The following CAST variants were observed in gnomAD, a reference collection of about 807,000 sequenced individuals.
CAST encodes the protein MIR583 host.
In CAST, 76 loss-of-function variants were observed where a neutral mutation model predicts 119.6. That is an observed-to-expected ratio of 0.64 (90% CI 0.53 to 0.77). The LOEUF is 0.77. Among genes scored for constraint, CAST ranks in the 30% least tolerant of loss-of-function variants. CAST has a pLI of 0.00. For synonymous variants in CAST, 319 were observed against 331.6 expected (o/e 0.96, Z 0.41); for missense variants, 953 against 946.5 (o/e 1.01, Z -0.09).
the CAST span, among the ~76,000 whole-genome samples, chr5:96,464,541 G>A: frequency 1.3e-5 from 2 of 152,054 alleles, no homozygotes; most frequent in Non-Finnish European, 2.9e-5. Context: ...GGAGCATTTA[G>A]CCAAAATACC....
At chr5:96,369,630 T>C in the CAST span, among the ~76,000 whole-genome samples, 2 of 152,256 alleles carry the variant, frequency 1.3e-5, no homozygotes, top group East Asian at 3.9e-4. Context: ...CCTTTTAATC[T>C]CCTTTCTGAT....
At chr5:96,621,969 C>CTTTTTTTTTTTTT (rs35728460) in intron 1 of CAST, among the ~76,000 whole-genome samples, 1 of 113,702 alleles carries the variant, frequency 8.8e-6, no homozygotes, top group Non-Finnish European at 1.7e-5. Flanking sequence ...CTTTTTTTCT[C>CTTTTTTTTTTTTT]TTTTTTTTTT....
At chr5:96,416,111 T>C in the CAST span, 1 of 1,608,490 alleles carries the variant, frequency 6.2e-7, no homozygotes, top group South Asian at 1.1e-5. Flanking sequence ...CCTGCACATC[T>C]GGTCCCGTGT....
At chr5:96,140,866 C>G in the CAST span, among the ~76,000 whole-genome samples, 1 of 152,128 alleles carries the variant, frequency 6.6e-6, no homozygotes, top group Non-Finnish European at 1.5e-5. Flanking sequence ...GAATATATTT[C>G]TCTATTGTAA....
chr5:96,377,126 A>G, the CAST span, among the ~76,000 whole-genome samples: 140 of 152,078 alleles, frequency 9.2e-4, no homozygotes, highest in Non-Finnish European at 1.7e-3. Flanking sequence ...TTATTACAAA[A>G]GAGCCAAATA....
chr5:96,380,935 T>G, the CAST span, among the ~76,000 whole-genome samples: 2 of 152,172 alleles, frequency 1.3e-5, no homozygotes, highest in East Asian at 3.8e-4. Context: ...CGAAAAAGTT[T>G]ATTGGTATAG....
the CAST span, among the ~76,000 whole-genome samples, chr5:96,251,865 A>G: frequency 6.6e-6 from 1 of 152,152 alleles, no homozygotes; most frequent in Non-Finnish European, 1.5e-5. Flanking sequence ...CAGCACTAAG[A>G]ATGCTGACAA....
chr5:96,085,522 G>A, the CAST span, among the ~76,000 whole-genome samples: 2 of 152,190 alleles, frequency 1.3e-5, no homozygotes, highest in Non-Finnish European at 2.9e-5. Context: ...TCATCCACTG[G>A]CAGCATACAT....
intron 2 of CAST, 182 bp downstream of exon 2, chr5:96,675,783 T>A: frequency 1.8e-6 from 1 of 542,376 alleles, no homozygotes; most frequent in East Asian, 3.0e-5. Context: ...TAAAAAAAAT[T>A]GTTCCTGGGA....
At chr5:96,698,543 T>C (rs1344431182) in intron 3 of CAST, among the ~76,000 whole-genome samples, 1 of 152,224 alleles carries the variant, frequency 6.6e-6, no homozygotes, top group Non-Finnish European at 1.5e-5. Context: ...TTTTTTACTT[T>C]TATAAGGTGT....
chr5:96,298,251 TTC>T, the CAST span, among the ~76,000 whole-genome samples: 1 of 152,248 alleles, frequency 6.6e-6, no homozygotes, highest in Non-Finnish European at 1.5e-5. Context: ...GCTCAGAATA[TTC>T]TCTTTCTCCT....
At chr5:96,351,506 G>T in the CAST span, among the ~76,000 whole-genome samples, 1 of 152,176 alleles carries the variant, frequency 6.6e-6, no homozygotes, top group East Asian at 1.9e-4. Flanking sequence ...GCACATGAGG[G>T]AAATGTATTA....
chr5:96,748,997 C>T (rs1041817352), intron 19 of CAST, among the ~76,000 whole-genome samples: 2 of 152,190 alleles, frequency 1.3e-5, no homozygotes, highest in African/African-American at 4.8e-5. Context: ...TCCTCTGCTT[C>T]TATCCCCAGG....
chr5:96,539,009 A>G (rs925579884), intron 1 of CAST, among the ~76,000 whole-genome samples: 3 of 152,246 alleles, frequency 2.0e-5, no homozygotes, highest in African/African-American at 2.4e-5. Flanking sequence ...CAGAACTTTC[A>G]TTATAAAGAT....
intron 1 of CAST, among the ~76,000 whole-genome samples, chr5:96,621,949 CT>C (rs1327745497): frequency 7.2e-6 from 1 of 138,630 alleles, no homozygotes; most frequent in Non-Finnish European, 1.5e-5. Flanking sequence ...AGTTAGCATT[CT>C]TTTTTTTTCT....
the CAST span, chr5:96,397,299 T>A: frequency 1.3e-6 from 2 of 1,595,398 alleles, no homozygotes; most frequent in Non-Finnish European, 8.6e-7. Context: ...TGTTTAAAAG[T>A]AAGCTTGTGT....
At chr5:96,411,340 C>T in the CAST span, among the ~76,000 whole-genome samples, 1 of 152,206 alleles carries the variant, frequency 6.6e-6, no homozygotes, top group Non-Finnish European at 1.5e-5. Context: ...CTCTTTCTTT[C>T]TGCTTCAATC....
At chr5:96,432,045 A>G in the CAST span, 1 of 1,444,478 alleles carries the variant, frequency 6.9e-7, no homozygotes, top group Non-Finnish European at 9.4e-7. Context: ...TTGGACAGGC[A>G]ACAATAAGCT....
intron 1 of CAST, among the ~76,000 whole-genome samples, chr5:96,570,367 A>G (rs984447282): frequency 1.3e-5 from 2 of 152,210 alleles, no homozygotes; most frequent in Admixed American, 1.3e-4. Flanking sequence ...CATGGCCTGG[A>G]TTACTGTTGT....
Sources: gnomAD v4.1 joint callset for allele counts (sites outside exome capture counted in the v4.1 genomes callset) on GRCh38, gnomAD v4.1.1 for gene constraint, MANE v1.5 for transcripts, NCBI Gene and HGNC (gene_info 2026-07-23, HGNC 2026-07-21) for gene names.